PLEKHA8: variants seen among roughly 807,000 people sequenced by gnomAD.
PLEKHA8 encodes the protein pleckstrin homology domain containing A8, also known as pleckstrin homology domain-containing family A member 8.
A neutral mutation model predicts 68.2 loss-of-function variants in PLEKHA8; 36 were observed. The ratio of observed to expected loss-of-function variants is 0.53; its 90% CI spans 0.40 to 0.70. The LOEUF (loss-of-function observed/expected upper bound fraction) is 0.70, where lower values mean the gene tolerates loss of function less well. PLEKHA8 is among the 30% of genes least tolerant of loss of function. The pLI is 0.00. For missense variants in PLEKHA8, 505 were observed against 615.4 expected (o/e 0.82, Z 1.90); for synonymous variants, 211 against 216.1 (o/e 0.98, Z 0.20).
intron 13 of PLEKHA8, among the ~76,000 whole-genome samples, chr7:30,116,247 T>C (rs1295915223): frequency 2.8e-5 from 4 of 141,266 alleles, no homozygotes; most frequent in Non-Finnish European, 4.4e-5. Context: ...TGCGTATACA[T>C]GTACACGTAT....
At chr7:30,069,834 A>G (rs901010561) in intron 12 of PLEKHA8, 16 of 152,158 alleles carry the variant, frequency 1.1e-4, no homozygotes, top group Non-Finnish European at 2.9e-5. Flanking sequence ...AGGCAAGGTG[A>G]TTGTCAAGGC....
At chr7:30,059,742 T>C (rs1483525671) in intron 9 of PLEKHA8, among the ~76,000 whole-genome samples, 1 of 152,170 alleles carries the variant, frequency 6.6e-6, no homozygotes, top group East Asian at 1.9e-4. Context: ...TTTTATTTTT[T>C]AGTCATTGTT....
intron 9 of PLEKHA8, among the ~76,000 whole-genome samples, chr7:30,059,910 A>T (rs1047391660): frequency 5.9e-5 from 9 of 152,252 alleles, no homozygotes; most frequent in African/African-American, 1.4e-4. Flanking sequence ...TGGGCCGGGC[A>T]TGGTGGCTCA....
At chr7:30,088,089 T>G (rs867254134), downstream of PLEKHA8, among the ~76,000 whole-genome samples, 4 of 152,352 alleles carry the variant, frequency 2.6e-5, no homozygotes, top group Middle Eastern at 6.8e-3. Context: ...TCCAGATGTG[T>G]TAGTTCTGTT....
intron 5 of PLEKHA8, among the ~76,000 whole-genome samples, chr7:30,049,998 T>G (rs908231268): frequency 4.6e-5 from 7 of 152,324 alleles, no homozygotes; most frequent in African/African-American, 1.7e-4. Context: ...CTTATACATA[T>G]TCCTATTTTA....
rs185623393 is a variant in PLEKHA8 at position 30,082,852 on chromosome 7, G to A, written c.*4065G>A. 55 of 985,292 alleles carry A rather than the reference G, an allele frequency of 5.6e-5. No individual in the cohort carries two copies. In the African/African-American group the frequency reaches 9.1e-4, roughly 16 times the overall value. 61.0% of individuals were successfully genotyped at this position (985,292 alleles called of 1,614,324 possible). A position where few individuals can be genotyped will look rare whatever the true frequency, so the allele number is the denominator to read the frequency against. ...GGTCATGAGCAATAGACGATGATGC[G>A]AGGCATTTGGGGAGCTTCCTGGAGG... On this transcript the variant is annotated 3_prime_UTR_variant, in exon 14 of 14. Coordinates refer to ENST00000449726, the MANE Select transcript of PLEKHA8 (RefSeq NM_001197026.2).
intron 12 of PLEKHA8, among the ~76,000 whole-genome samples, chr7:30,068,022 G>A (rs940626524): frequency 1.3e-5 from 2 of 152,232 alleles, no homozygotes; most frequent in African/African-American, 2.4e-5. Flanking sequence ...AGCTAAGAGG[G>A]ACTGGTCCAG....
At chr7:30,057,101 T>TA (rs1793054902) in intron 9 of PLEKHA8, among the ~76,000 whole-genome samples, 1 of 152,006 alleles carries the variant, frequency 6.6e-6, no homozygotes, top group Non-Finnish European at 1.5e-5. Context: ...TCTTAACTGT[T>TA]ATGATTCAGT....
intron 12 of PLEKHA8, among the ~76,000 whole-genome samples, chr7:30,073,213 T>C (rs983470095): frequency 3.3e-5 from 5 of 152,212 alleles, no homozygotes; most frequent in African/African-American, 1.2e-4. Context: ...CTTCAAGCCA[T>C]TCTTTCCATA....
chr7:30,071,211 C>T (rs1046003582), intron 12 of PLEKHA8, among the ~76,000 whole-genome samples: 5 of 152,246 alleles, frequency 3.3e-5, no homozygotes, highest in South Asian at 4.2e-4. Flanking sequence ...TCAAAACTTC[C>T]ACTGTGCCTT....
rs1357926475 is a variant in PLEKHA8 at position 30,081,679 on chromosome 7, T to TA, written c.*2893dup. On this transcript the variant is annotated 3_prime_UTR_variant, in exon 14 of 14. Coordinates refer to ENST00000449726, the MANE Select transcript of PLEKHA8 (RefSeq NM_001197026.2). ...TTGTTCTCATCGCTCAAAGCATTTTTAGGATTATTTTTCTAGCGTAACCTT... is the reference window on the plus strand; with the variant it reads ...TTGTTCTCATCGCTCAAAGCATTTTTAAGGATTATTTTTCTAGCGTAACCTT... 2.0e-6 allele frequency: 2 copies of TA among 985,212 alleles called. No homozygotes were observed. The highest frequency in any genetic ancestry group is 3.5e-5 in the African/African-American group (2 of 57,226). 61.0% of individuals were successfully genotyped at this position (985,212 alleles called of 1,614,324 possible).
chr7:30,080,597 C>T lies in PLEKHA8; in HGVS notation c.*1810C>T. On this transcript the variant is annotated 3_prime_UTR_variant, in exon 14 of 14. Transcript: ENST00000449726. ...AGCTCAGATTAATTAGGTATTTTGC[C>T]CACATAAAGACTTCTGGAAAATACT... is the stretch of plus-strand genomic sequence containing the variant. 3.0e-6 allele frequency: 3 copies of T among 985,150 alleles called. No homozygotes were observed. Among genetic ancestry groups the T allele is most frequent in the Non-Finnish European group, 3.6e-6 (3 of 829,872 alleles). 61.0% of individuals were successfully genotyped at this position (985,150 alleles called of 1,614,324 possible).
intron 7 of PLEKHA8, among the ~76,000 whole-genome samples, chr7:30,053,832 G>A (rs918094222): frequency 6.6e-6 from 1 of 152,126 alleles, no homozygotes; most frequent in Non-Finnish European, 1.5e-5. Flanking sequence ...TTGCTCCTGG[G>A]GGAAATACAA....
downstream of PLEKHA8, among the ~76,000 whole-genome samples, chr7:30,094,867 A>G (rs531900883): frequency 6.6e-6 from 1 of 152,122 alleles, no homozygotes; most frequent in South Asian, 2.1e-4. Flanking sequence ...ATCATTTTTT[A>G]TGGCTGCATA....
intron 13 of PLEKHA8, among the ~76,000 whole-genome samples, chr7:30,103,027 C>T (rs542993687): frequency 1.3e-5 from 2 of 152,146 alleles, no homozygotes; most frequent in East Asian, 3.9e-4. Context: ...TTTGATTGGC[C>T]CTCTGCACTT....
At chr7:30,034,167 C>G (rs1790883448) in intron 1 of PLEKHA8, among the ~76,000 whole-genome samples, 1 of 151,398 alleles carries the variant, frequency 6.6e-6, no homozygotes, top group Admixed American at 6.6e-5. Flanking sequence ...TGCCACCATG[C>G]CTGGCTAATT....
rs1352614272 is a variant in PLEKHA8, at chr7:30,080,923, G to A, written c.*2136G>A. ...CATTTAGCGGGGATGATACCAGGTGGTTGTTAGAATTGTGCAGTGTGATCA... is the reference window on the plus strand; with the variant it reads ...CATTTAGCGGGGATGATACCAGGTGATTGTTAGAATTGTGCAGTGTGATCA... On this transcript the variant is annotated 3_prime_UTR_variant, in exon 14 of 14. Coordinates refer to ENST00000449726, the MANE Select transcript of PLEKHA8 (RefSeq NM_001197026.2). 1.0e-6 allele frequency: 1 copy of A among 985,272 alleles called. No homozygotes were observed. Among genetic ancestry groups the A allele is most frequent in the Non-Finnish European group, 1.2e-6 (1 of 829,908 alleles). 61.0% of individuals were successfully genotyped at this position (985,272 alleles called of 1,614,324 possible).
intron 13 of PLEKHA8, among the ~76,000 whole-genome samples, chr7:30,107,005 G>A (rs894928492): frequency 2.6e-5 from 4 of 152,052 alleles, no homozygotes; most frequent in Non-Finnish European, 2.9e-5. Context: ...AATTGTGTTC[G>A]CTATTCTTGT....
chr7:30,031,901 A>G (rs1280552768), intron 1 of PLEKHA8, among the ~76,000 whole-genome samples: 1 of 152,186 alleles, frequency 6.6e-6, no homozygotes, highest in East Asian at 1.9e-4. Flanking sequence ...TATTTCTAGA[A>G]GAGAAAAGAA....
Sources: allele counts gnomAD v4.1 joint callset (sites outside exome capture counted in the v4.1 genomes callset), GRCh38; gene constraint gnomAD v4.1.1; transcripts MANE v1.5; gene names NCBI Gene and HGNC (gene_info 2026-07-23, HGNC 2026-07-21).